The following VSNL1 variants were observed in gnomAD, a reference collection of about 807,000 sequenced individuals.
VSNL1 encodes the protein visinin-like protein 1.
VSNL1 carries 6 observed loss-of-function variants against 20.4 expected under a neutral mutation model. That is an observed-to-expected ratio of 0.29 (90% CI 0.16 to 0.58). VSNL1 has a LOEUF of 0.58. Ranked by LOEUF, VSNL1 falls within the 20% of genes least tolerant of loss-of-function variation. VSNL1 has a pLI of 0.90. For synonymous variants in VSNL1, 93 were observed against 86.4 expected (o/e 1.08, Z -0.42); for missense variants, 100 against 234.5 (o/e 0.43, Z 3.75).
At chr2:17,622,544 GAAAGAAA>G (rs1558303598) in intron 2 of VSNL1, among the ~76,000 whole-genome samples, 1,773 of 58,078 alleles carry the variant, frequency 0.031, 48 homozygotes, top group Middle Eastern at 0.082. Context: ...AAGAAAGAAA[GAAAGAAA>G]GAAAGAAAGA....
At chr2:17,623,758 T>TGC (rs1408259810) in intron 2 of VSNL1, among the ~76,000 whole-genome samples, 1 of 151,896 alleles carries the variant, frequency 6.6e-6, no homozygotes, top group Non-Finnish European at 1.5e-5. Flanking sequence ...GACTAAAGGC[T>TGC]GCTGGGATAT....
chr2:17,571,896 A>G (rs888718454), intron 1 of VSNL1, among the ~76,000 whole-genome samples: 1 of 152,258 alleles, frequency 6.6e-6, no homozygotes, highest in Non-Finnish European at 1.5e-5. Flanking sequence ...CCAGCCATAA[A>G]GAATCTTAGG....
intron 2 of VSNL1, among the ~76,000 whole-genome samples, chr2:17,611,615 A>C (rs1665089730): frequency 6.6e-6 from 1 of 152,156 alleles, no homozygotes. Context: ...GATTTTCCCA[A>C]ACTCCCCAGA....
At chr2:17,570,634 C>T (rs944387674) in intron 1 of VSNL1, among the ~76,000 whole-genome samples, 4 of 152,190 alleles carry the variant, frequency 2.6e-5, no homozygotes, top group African/African-American at 9.7e-5. Flanking sequence ...TCAGCCACTG[C>T]ATTAGGTTTA....
chr2:17,562,307 C>T (rs1223528023), intron 1 of VSNL1, among the ~76,000 whole-genome samples: 1 of 152,130 alleles, frequency 6.6e-6, no homozygotes, highest in Non-Finnish European at 1.5e-5. Flanking sequence ...GTTTCCAAAG[C>T]TTAGTGTTCA....
intron 2 of VSNL1, among the ~76,000 whole-genome samples, chr2:17,642,700 C>G (rs1403924908): frequency 1.3e-5 from 2 of 152,206 alleles, no homozygotes; most frequent in Non-Finnish European, 2.9e-5. Context: ...CAGAACTTCT[C>G]TGGGAGTTCA....
intron 1 of VSNL1, among the ~76,000 whole-genome samples, chr2:17,582,555 T>C (rs2710688): frequency 0.52 from 78,529 of 151,962 alleles, 23,206 homozygotes; most frequent in East Asian, 0.89. Context: ...GAAAGTAGAA[T>C]CTACCAACTT....
Position 17,634,368 on chromosome 2 carries a change from C to T in VSNL1, c.163-15042C>T, listed in dbSNP as rs1665705735. 6.6e-6 allele frequency among the ~76,000 whole-genome samples: 1 copy of T among 152,192 alleles called. No individual in the cohort carries two copies. Among genetic ancestry groups the T allele is most frequent in the African/African-American group, 2.4e-5 (1 of 41,444 alleles). On this transcript the variant is annotated intron_variant, in intron 2 of 3. Transcript: ENST00000295156. The surrounding 1 kb of genome is among the most constrained non-coding windows in gnomAD (Gnocchi z 4.3). ...AGCCCTGCAAATTATGTAAGAGGTC[C>T]TGGCAAGACTTGAGGCAAAGTTTGT...
In VSNL1 at chr2:17,634,008, A is replaced by G. The variant is rs916527222; in HGVS notation, c.163-15402A>G. 6.6e-6 allele frequency among the ~76,000 whole-genome samples: 1 copy of G among 152,124 alleles called. No individual in the cohort carries two copies. Among genetic ancestry groups the G allele is most frequent in the African/African-American group, 2.4e-5 (1 of 41,422 alleles). ...CGGCACCAGCTTGGAGTGTCTGAGG[A>G]GGTGAGGGTGGTGGAGAAATGAAGC... On this transcript the variant is annotated intron_variant, in intron 2 of 3. Coordinates refer to ENST00000295156, the MANE Select transcript of VSNL1 (RefSeq NM_003385.5). This position sits in a 1 kb window ranked among gnomAD's most constrained non-coding sequence, Gnocchi z 4.3.
At chr2:17,602,236 T>C (rs1664837797) in intron 2 of VSNL1, among the ~76,000 whole-genome samples, 1 of 152,184 alleles carries the variant, frequency 6.6e-6, no homozygotes, top group South Asian at 2.1e-4. Context: ...GGTGTCCAAT[T>C]GGAAGGATTC....
chr2:17,601,710 G>A lies in VSNL1; in HGVS notation c.162+9474G>A, dbSNP rs1434399068. Reference sequence around the variant, plus strand: ...AGCACTTTGGGAGGCCGAGATGGGCGAATCACATGAGGTCTGGAGTTCGAG... The same window carrying A: ...AGCACTTTGGGAGGCCGAGATGGGCAAATCACATGAGGTCTGGAGTTCGAG... On this transcript the variant is annotated intron_variant, in intron 2 of 3. Transcript: ENST00000295156. 5.3e-5 allele frequency among the ~76,000 whole-genome samples: 8 copies of A among 151,922 alleles called. 1 individual carries two copies. Among genetic ancestry groups the A allele is most frequent in the African/African-American group, 1.5e-4 (6 of 41,342 alleles).
At chr2:17,540,280 G>C (rs1196691333), upstream of VSNL1, 1 of 152,382 alleles carries the variant, frequency 6.6e-6, no homozygotes, top group Non-Finnish European at 1.5e-5. Context: ...CCGGGGGTCG[G>C]CTAGGACAGA....
chr2:17,638,829 G>C (rs1022957658), intron 2 of VSNL1, among the ~76,000 whole-genome samples: 3 of 152,220 alleles, frequency 2.0e-5, no homozygotes, highest in African/African-American at 7.2e-5. Context: ...TAATCAAGGA[G>C]TTGGGGTTTG....
intron 1 of VSNL1, among the ~76,000 whole-genome samples, chr2:17,585,396 A>C (rs1432146389): frequency 1.3e-5 from 2 of 151,180 alleles, no homozygotes; most frequent in Non-Finnish European, 3.0e-5. Flanking sequence ...AAAAAAAAAA[A>C]CATACAATAT....
intron 1 of VSNL1, among the ~76,000 whole-genome samples, chr2:17,590,328 G>A (rs760870464): frequency 3.9e-5 from 6 of 152,164 alleles, no homozygotes; most frequent in Admixed American, 3.9e-4. Flanking sequence ...CCATGAATTA[G>A]AGTTTTCTTA....
chr2:17,581,727 G>T (rs746817298), intron 1 of VSNL1, among the ~76,000 whole-genome samples: 7 of 152,090 alleles, frequency 4.6e-5, no homozygotes, highest in Non-Finnish European at 7.4e-5. Flanking sequence ...CTCCCTAACA[G>T]CACTTAGTAC....
intron 2 of VSNL1, among the ~76,000 whole-genome samples, chr2:17,607,236 G>A (rs184709866): frequency 6.6e-6 from 1 of 152,128 alleles, no homozygotes; most frequent in Non-Finnish European, 1.5e-5. Context: ...AGTTGATCTG[G>A]GCCAGTTACA....
upstream of VSNL1, chr2:17,540,643 TCG>T (rs1052084637): frequency 1.4e-4 from 21 of 152,832 alleles, no homozygotes; most frequent in African/African-American, 4.3e-4. Flanking sequence ...AGGCGGAGGC[TCG>T]CGCGCCTGCG....
intron 2 of VSNL1, among the ~76,000 whole-genome samples, chr2:17,635,130 AAC>A (rs1335966727): frequency 6.6e-6 from 1 of 152,134 alleles, no homozygotes; most frequent in South Asian, 2.1e-4. Context: ...GGTTGCTGCA[AAC>A]ACAGGTGCCA....
Sources: allele counts gnomAD v4.1 joint callset (sites outside exome capture counted in the v4.1 genomes callset), GRCh38; gene constraint gnomAD v4.1.1; non-coding constraint Gnocchi (gnomAD v3.1); transcripts MANE v1.5; gene names NCBI Gene and HGNC (gene_info 2026-07-23, HGNC 2026-07-21).